The following LY6S variants were observed in gnomAD, a reference collection of about 807,000 sequenced individuals.
LY6S encodes lymphocyte antigen 6 family member S.
chr8:143,048,257 C>T, the LY6S span, among the ~76,000 whole-genome samples: 1 of 152,162 alleles, frequency 6.6e-6, no homozygotes, highest in Non-Finnish European at 1.5e-5. Flanking sequence ...GTGCTGCTCT[C>T]CTCTGGCTGC....
At chr8:143,045,302 C>T in the LY6S span, among the ~76,000 whole-genome samples, 1 of 152,158 alleles carries the variant, frequency 6.6e-6, no homozygotes, top group Admixed American at 6.5e-5. The surrounding 1 kb of genome is among the most constrained non-coding windows in gnomAD (Gnocchi z 5.3). Context: ...CTCAGCAGGG[C>T]CACCAGCAGG....
the LY6S span, chr8:143,066,147 A>AATTTC: frequency 7.9e-6 from 1 of 126,930 alleles, no homozygotes; most frequent in Non-Finnish European, 1.5e-5. Flanking sequence ...TCCAATGATG[A>AATTTC]ATTTCTTTTC....
At chr8:143,041,887 C>G in the LY6S span, among the ~76,000 whole-genome samples, 710 of 117,158 alleles carry the variant, frequency 6.1e-3, 2 homozygotes, top group African/African-American at 0.022. Flanking sequence ...AGGGCGTTCT[C>G]AGCCCAGCCC....
chr8:143,072,720 G>A, the LY6S span, among the ~76,000 whole-genome samples: 6 of 112,440 alleles, frequency 5.3e-5, no homozygotes, highest in Admixed American at 1.9e-4. Context: ...CGTCGTCCTC[G>A]GGATTCCTGT....
At chr8:143,052,484 C>T in the LY6S span, among the ~76,000 whole-genome samples, 9 of 152,320 alleles carry the variant, frequency 5.9e-5, no homozygotes, top group African/African-American at 2.2e-4. Flanking sequence ...ACCCAGGAAC[C>T]CCTCCTGCTG....
chr8:143,069,196 A>G, the LY6S span, among the ~76,000 whole-genome samples: 1 of 152,178 alleles, frequency 6.6e-6, no homozygotes, highest in Non-Finnish European at 1.5e-5. Context: ...GAGCCCCTAG[A>G]AAGAGACAAG....
At chr8:143,049,241 T>G in the LY6S span, 6 of 534,692 alleles carry the variant, frequency 1.1e-5, no homozygotes, top group African/African-American at 1.2e-4. Context: ...CCACCTTCTC[T>G]ACTCTCACTG....
chr8:143,060,216 C>G, the LY6S span, among the ~76,000 whole-genome samples: 1 of 151,248 alleles, frequency 6.6e-6, no homozygotes, highest in Non-Finnish European at 1.5e-5. Flanking sequence ...TGTTACTTAG[C>G]AGACCAGGAA....
chr8:143,060,296 A>G, the LY6S span, among the ~76,000 whole-genome samples: 1 of 152,178 alleles, frequency 6.6e-6, no homozygotes, highest in African/African-American at 2.4e-5. Context: ...AGGGCCTGAC[A>G]TCAGTCAAGC....
chr8:143,073,905 T>C, the LY6S span, among the ~76,000 whole-genome samples: 1 of 147,582 alleles, frequency 6.8e-6, no homozygotes, highest in South Asian at 2.2e-4. Context: ...ACAGCCATCA[T>C]CCTCGTGGTC....
the LY6S span, among the ~76,000 whole-genome samples, chr8:143,052,063 C>T: frequency 1.3e-5 from 2 of 151,414 alleles, no homozygotes; most frequent in African/African-American, 2.4e-5. Context: ...GGGCAGATCA[C>T]GAGGTCAGGA....
chr8:143,067,502 GT>G, the LY6S span, among the ~76,000 whole-genome samples: 1 of 152,204 alleles, frequency 6.6e-6, no homozygotes, highest in African/African-American at 2.4e-5. Context: ...AGTATTTCTC[GT>G]CAGGTGGAGA....
At chr8:143,054,874 A>ATG in the LY6S span, among the ~76,000 whole-genome samples, 1 of 152,344 alleles carries the variant, frequency 6.6e-6, no homozygotes, top group African/African-American at 2.4e-5. Context: ...GCCCTCCAGC[A>ATG]AACGGCAGAG....
chr8:143,066,096 G>A, the LY6S span: 17 of 412,798 alleles, frequency 4.1e-5, no homozygotes, highest in Admixed American at 2.5e-4. Context: ...GAAGACACTC[G>A]CTTCGGAAAT....
At chr8:143,070,473 ATAAATATATATATATATTTT>A in the LY6S span, among the ~76,000 whole-genome samples, 2 of 35,068 alleles carry the variant, frequency 5.7e-5, no homozygotes, top group Admixed American at 5.0e-4. Flanking sequence ...TAATATATAT[ATAAATATATATATATATTTT>A]TTTTTTTTTT....
chr8:143,044,531 C>CA, the LY6S span: 1 of 112,890 alleles, frequency 8.9e-6, no homozygotes, highest in Non-Finnish European at 1.7e-5. Flanking sequence ...GCCCGCCATG[C>CA]CCACCCCACC....
the LY6S span, among the ~76,000 whole-genome samples, chr8:143,050,586 G>A: frequency 4.6e-5 from 7 of 152,110 alleles, no homozygotes; most frequent in Admixed American, 3.3e-4. Context: ...AAGACTTGCC[G>A]TGATCAGGCG....
At chr8:143,075,195 G>T in the LY6S span, among the ~76,000 whole-genome samples, 1 of 152,040 alleles carries the variant, frequency 6.6e-6, no homozygotes, top group African/African-American at 2.4e-5. This position sits in a 1 kb window ranked among gnomAD's most constrained non-coding sequence, Gnocchi z 4.1. Context: ...CAAACACACA[G>T]CCATGGCTGT....
chr8:143,063,490 T>G, the LY6S span, among the ~76,000 whole-genome samples: 1 of 152,244 alleles, frequency 6.6e-6, no homozygotes, highest in Non-Finnish European at 1.5e-5. Flanking sequence ...CAGAGGTTCC[T>G]ATTGGTAAAG....
Sources: allele counts gnomAD v4.1 joint callset (sites outside exome capture counted in the v4.1 genomes callset), GRCh38; gene constraint gnomAD v4.1.1; non-coding constraint Gnocchi (gnomAD v3.1); transcripts MANE v1.5; gene names NCBI Gene and HGNC (gene_info 2026-07-23, HGNC 2026-07-21).